Variants in MFHAS1 observed in about 807,000 individuals in gnomAD.
MFHAS1 encodes the protein multifunctional ROCO family signaling regulator 1, also known as malignant fibrous histiocytoma-amplified sequence 1.
Under a neutral mutation model 70.4 loss-of-function variants are expected in MFHAS1, and 50 were observed. The observed-to-expected ratio is 0.71, with a 90% CI of 0.57 to 0.90. The LOEUF (loss-of-function observed/expected upper bound fraction) is 0.90, where lower values mean the gene tolerates loss of function less well. MFHAS1 is among the 40% of genes least tolerant of loss of function. The pLI is 0.00. For missense variants in MFHAS1, 1,795 were observed against 1,347.6 expected (o/e 1.33, Z -5.20); for synonymous variants, 952 against 620.0 (o/e 1.54, Z -7.96).
chr8:8,796,201 T>A (rs939712847), intron 2 of MFHAS1, among the ~76,000 whole-genome samples: 3 of 152,292 alleles, frequency 2.0e-5, no homozygotes, highest in African/African-American at 7.2e-5. Flanking sequence ...ATGTGTGCGT[T>A]CTCTGTCTTC....
chr8:8,833,039 G>C (rs1381876524), intron 1 of MFHAS1, among the ~76,000 whole-genome samples: 1 of 152,130 alleles, frequency 6.6e-6, no homozygotes, highest in Non-Finnish European at 1.5e-5. Flanking sequence ...ATCACAGAGG[G>C]CAACGGGGGA....
intron 1 of MFHAS1, among the ~76,000 whole-genome samples, chr8:8,844,250 C>T (rs1004935163): frequency 2.0e-5 from 3 of 152,216 alleles, no homozygotes; most frequent in African/African-American, 7.2e-5. Flanking sequence ...GCCCTAAAAA[C>T]TGTATGATTC....
chr8:8,797,806 T>C (rs1440671833), intron 1 of MFHAS1, among the ~76,000 whole-genome samples: 2 of 152,136 alleles, frequency 1.3e-5, no homozygotes, highest in Non-Finnish European at 2.9e-5. Flanking sequence ...GATCTTTATC[T>C]AGATATCAAC....
At chr8:8,876,919 G>A in intron 1 of MFHAS1, among the ~76,000 whole-genome samples, 1 of 151,448 alleles carries the variant, frequency 6.6e-6, no homozygotes. Context: ...GCATGACAGA[G>A]CAAGACTCAG....
At chr8:8,874,948 G>A (rs1045326741) in intron 1 of MFHAS1, among the ~76,000 whole-genome samples, 1 of 150,424 alleles carries the variant, frequency 6.6e-6, no homozygotes, top group Non-Finnish European at 1.5e-5. Context: ...GCCAGAAGAT[G>A]TTATTAGAGG....
intron 1 of MFHAS1, among the ~76,000 whole-genome samples, chr8:8,867,770 G>A (rs953425169): frequency 2.6e-5 from 4 of 151,976 alleles, no homozygotes; most frequent in African/African-American, 9.7e-5. Context: ...TGTTAGGCAG[G>A]ATTGTCTCGA....
intron 1 of MFHAS1, among the ~76,000 whole-genome samples, chr8:8,826,407 T>C (rs1357136580): frequency 6.6e-6 from 1 of 152,058 alleles, no homozygotes; most frequent in African/African-American, 2.4e-5. Flanking sequence ...AAGGTCTGGG[T>C]AGCCATGGGA....
chr8:8,788,873 AC>A (rs1330970559), intron 2 of MFHAS1, among the ~76,000 whole-genome samples: 1 of 151,858 alleles, frequency 6.6e-6, no homozygotes, highest in East Asian at 1.9e-4. Flanking sequence ...ACCACGGCTG[AC>A]CTCCCATGGT....
chr8:8,859,173 C>T (rs1290892595), intron 1 of MFHAS1, among the ~76,000 whole-genome samples: 1 of 152,200 alleles, frequency 6.6e-6, no homozygotes, highest in East Asian at 1.9e-4. Flanking sequence ...GCCAACATGG[C>T]GAAACCCCGT....
chr8:8,883,240 G>A (rs1166703803), intron 1 of MFHAS1, among the ~76,000 whole-genome samples: 1 of 152,134 alleles, frequency 6.6e-6, no homozygotes, highest in Non-Finnish European at 1.5e-5. Context: ...CACAAAGACT[G>A]GAAACACAAA....
At chr8:8,789,515 A>G (rs1159069802) in intron 2 of MFHAS1, among the ~76,000 whole-genome samples, 3 of 152,166 alleles carry the variant, frequency 2.0e-5, no homozygotes, top group Admixed American at 2.0e-4. Flanking sequence ...AGGTTAGGGA[A>G]TTGAAATCTG....
At chr8:8,809,901 C>T (rs916706176) in intron 1 of MFHAS1, among the ~76,000 whole-genome samples, 6 of 152,218 alleles carry the variant, frequency 3.9e-5, no homozygotes, top group African/African-American at 7.2e-5. Flanking sequence ...TTACTGCAGA[C>T]GGCATAAAAG....
chr8:8,797,462 C>G lies in MFHAS1; in HGVS notation c.3028G>C (p.Gly1010Arg). ...GELLSQPRPE[G>R]VAEIICPKNG... Reference sequence around the variant, plus strand: ...TTGGGGCAAATGATCTCTGCCACTCCTTCCGGTCTGGGCTGACTCAGCAAC... The same window carrying G: ...TTGGGGCAAATGATCTCTGCCACTCGTTCCGGTCTGGGCTGACTCAGCAAC... The change falls in exon 2 of 3, where the codon GGA (glycine) becomes CGA (arginine). Residue 1010 changes from glycine to arginine, a missense_variant. Physicochemically the swap from Gly to Arg is moderately radical, Grantham distance 125 (BLOSUM62 -2). Coordinates refer to ENST00000276282, the MANE Select transcript of MFHAS1 (RefSeq NM_004225.3). 1 of 1,614,084 alleles carries G rather than the reference C, an allele frequency of 6.2e-7. No individual in the cohort carries two copies. The highest frequency in any genetic ancestry group is 1.6e-4 in the Middle Eastern group (1 of 6,062).
intron 1 of MFHAS1, among the ~76,000 whole-genome samples, chr8:8,816,611 G>A (rs915125182): frequency 3.3e-5 from 5 of 152,124 alleles, no homozygotes; most frequent in African/African-American, 1.2e-4. Flanking sequence ...AAGAAAAAAA[G>A]TATATTCTAT....
At chr8:8,881,315 C>G (rs1809513500) in intron 1 of MFHAS1, among the ~76,000 whole-genome samples, 2 of 152,218 alleles carry the variant, frequency 1.3e-5, no homozygotes, top group Non-Finnish European at 2.9e-5. Context: ...GTCAGCCCTG[C>G]TAGCAGTGGA....
chr8:8,891,057 C>T lies in MFHAS1; in HGVS notation c.2002G>A (p.Glu668Lys). The change falls in exon 1 of 3, where the codon GAA becomes AAA. Residue 668 changes from glutamate to lysine, a missense_variant. Glu to Lys is a moderately conservative substitution (Grantham distance 56, BLOSUM62 1). Coordinates refer to ENST00000276282, the MANE Select transcript of MFHAS1 (RefSeq NM_004225.3). This position sits in a 1 kb window ranked among gnomAD's most constrained non-coding sequence, Gnocchi z 5.4. The stretch of plus-strand genomic sequence containing the variant: ...GCCTGAGGTGGCTGGAAATGCAGTT[C>T]CTCCAGCACCTGCCAGGATCGAGGC... Reference protein sequence around the residue: ...VLPRSWQVLEELHFQPPQAQR... With the variant: ...VLPRSWQVLEKLHFQPPQAQR... The T allele has an allele frequency of 6.2e-7, 1 of 1,613,632 alleles. No homozygotes were observed. The highest frequency in any genetic ancestry group is 8.5e-7 in the Non-Finnish European group (1 of 1,179,860).
rs1017086498 is a variant in MFHAS1, at chr8:8,783,440, T to C, written c.*2582A>G. The C allele has an allele frequency of 5.3e-5, 8 of 152,200 alleles. No individual in the cohort carries two copies. The highest frequency in any genetic ancestry group is 1.9e-4 in the African/African-American group (8 of 41,440). 9.4% of individuals were successfully genotyped at this position (152,200 alleles called of 1,614,324 possible). ...ACGAAATGGGAAACCACAATTAAAA[T>C]TCACAAACCATGGCATGAAAAACAA... On this transcript the variant is annotated 3_prime_UTR_variant, in exon 3 of 3. Coordinates refer to ENST00000276282, the MANE Select transcript of MFHAS1 (RefSeq NM_004225.3).
intron 1 of MFHAS1, among the ~76,000 whole-genome samples, chr8:8,850,873 C>A (rs995817222): frequency 6.6e-5 from 10 of 151,456 alleles, no homozygotes; most frequent in Non-Finnish European, 1.5e-4. Context: ...ACCCGCTACA[C>A]ACCAATTCAT....
chr8:8,875,659 C>A, intron 1 of MFHAS1, among the ~76,000 whole-genome samples: 1 of 152,140 alleles, frequency 6.6e-6, no homozygotes, highest in East Asian at 1.9e-4. Flanking sequence ...GGCACGATCT[C>A]AGCTCACCGT....
Sources: allele counts gnomAD v4.1 joint callset (sites outside exome capture counted in the v4.1 genomes callset), GRCh38; gene constraint gnomAD v4.1.1; non-coding constraint Gnocchi (gnomAD v3.1); transcripts MANE v1.5; gene names NCBI Gene and HGNC (gene_info 2026-07-23, HGNC 2026-07-21).